CDH4: variants seen among roughly 807,000 people sequenced by gnomAD.
The protein encoded by CDH4 is cadherin-4.
Under a neutral mutation model 86.0 loss-of-function variants are expected in CDH4, and 33 were observed. The ratio of observed to expected loss-of-function variants is 0.38; its 90% CI spans 0.29 to 0.51. CDH4 has a LOEUF of 0.51. Ranked by LOEUF, CDH4 falls within the 20% of genes least tolerant of loss-of-function variation. The probability of loss-of-function intolerance (pLI) is 0.86; values close to 1 mark genes in which losing one functional copy is unlikely to be tolerated. For missense variants in CDH4, 1,114 were observed against 1,307.4 expected (o/e 0.85, Z 2.28); for synonymous variants, 555 against 549.4 (o/e 1.01, Z -0.14).
At chr20:61,664,360 G>A (rs1384982220) in intron 2 of CDH4, among the ~76,000 whole-genome samples, 1 of 152,194 alleles carries the variant, frequency 6.6e-6, no homozygotes, top group Non-Finnish European at 1.5e-5. Flanking sequence ...GGAAGGATAG[G>A]GGACTCCTGG....
At chr20:61,456,179 CTCTG>C (rs986510982) in intron 2 of CDH4, among the ~76,000 whole-genome samples, 2 of 152,108 alleles carry the variant, frequency 1.3e-5, no homozygotes, top group African/African-American at 4.8e-5. Flanking sequence ...CTTAAATAAC[CTCTG>C]TCTGCAAAAC....
At chr20:61,800,461 C>T (rs896423527) in intron 4 of CDH4, among the ~76,000 whole-genome samples, 4 of 152,234 alleles carry the variant, frequency 2.6e-5, no homozygotes, top group African/African-American at 7.2e-5. Flanking sequence ...TATGGCTCCA[C>T]GGGGGATGGT....
At chr20:61,265,303 C>G (rs1393755215) in intron 2 of CDH4, among the ~76,000 whole-genome samples, 2 of 149,216 alleles carry the variant, frequency 1.3e-5, no homozygotes, top group Non-Finnish European at 2.9e-5. Context: ...TTCATTCAAT[C>G]TTACACATAC....
At chr20:61,579,092 C>A (rs2086406123) in intron 2 of CDH4, among the ~76,000 whole-genome samples, 1 of 152,098 alleles carries the variant, frequency 6.6e-6, no homozygotes, top group Non-Finnish European at 1.5e-5. Context: ...CCCACTCAAA[C>A]CCCACACCTG....
At chr20:61,804,239 G>A (rs1045774612) in intron 4 of CDH4, among the ~76,000 whole-genome samples, 2 of 152,214 alleles carry the variant, frequency 1.3e-5, no homozygotes, top group Non-Finnish European at 2.9e-5. Flanking sequence ...GTGAGGGGCT[G>A]GCCTCTGCAG....
intron 2 of CDH4, among the ~76,000 whole-genome samples, chr20:61,332,910 G>A (rs1568801820): frequency 2.6e-5 from 4 of 152,312 alleles, no homozygotes; most frequent in Middle Eastern, 3.4e-3. Flanking sequence ...CAGCCCCTGC[G>A]GAGGCTGACG....
chr20:61,736,208 G>A (rs1201764032), intron 2 of CDH4, among the ~76,000 whole-genome samples: 2 of 152,196 alleles, frequency 1.3e-5, no homozygotes, highest in Admixed American at 1.3e-4. Flanking sequence ...CTGACACCAT[G>A]CTGTGTTCAT....
chr20:61,585,095 G>A (rs1420734965), intron 2 of CDH4, among the ~76,000 whole-genome samples: 1 of 152,242 alleles, frequency 6.6e-6, no homozygotes, highest in Admixed American at 6.5e-5. Flanking sequence ...AACCAGGCTT[G>A]AGAGTGTGAG....
At chr20:61,738,033 G>T (rs1389728820) in intron 2 of CDH4, among the ~76,000 whole-genome samples, 1 of 152,164 alleles carries the variant, frequency 6.6e-6, no homozygotes, top group Non-Finnish European at 1.5e-5. Flanking sequence ...TGTGGCTCTG[G>T]TGTGAGGACA....
chr20:61,469,991 T>G (rs1400872567), intron 2 of CDH4, among the ~76,000 whole-genome samples: 1 of 152,192 alleles, frequency 6.6e-6, no homozygotes, highest in African/African-American at 2.4e-5. Flanking sequence ...AGTCAAGCAA[T>G]GTAATTCTTC....
intron 2 of CDH4, among the ~76,000 whole-genome samples, chr20:61,334,066 C>T (rs1216786862): frequency 6.6e-6 from 1 of 152,172 alleles, no homozygotes; most frequent in Admixed American, 6.5e-5. Flanking sequence ...GGTGTCCTGG[C>T]CTGTGCAGCT....
intron 2 of CDH4, among the ~76,000 whole-genome samples, chr20:61,330,127 G>A (rs2084564449): frequency 6.6e-6 from 1 of 152,106 alleles, no homozygotes; most frequent in Non-Finnish European, 1.5e-5. Flanking sequence ...TTGCTATTGT[G>A]AATAGGGCTG....
At chr20:61,737,309 C>T (rs552366019) in intron 2 of CDH4, among the ~76,000 whole-genome samples, 2 of 152,140 alleles carry the variant, frequency 1.3e-5, no homozygotes, top group Non-Finnish European at 2.9e-5. Flanking sequence ...GGTATGGGGC[C>T]AGGTTGCCCA....
chr20:61,770,808 G>A (rs1406133927), intron 3 of CDH4, among the ~76,000 whole-genome samples: 3 of 150,846 alleles, frequency 2.0e-5, no homozygotes, highest in Admixed American at 6.6e-5. Flanking sequence ...GCATGAGCCC[G>A]GGAGGCGGTG....
chr20:61,897,193 G>A (rs1449968279), intron 8 of CDH4, among the ~76,000 whole-genome samples: 1 of 152,128 alleles, frequency 6.6e-6, no homozygotes, highest in Non-Finnish European at 1.5e-5. Context: ...GACGTTGGGG[G>A]GCAGAAGATA....
intron 2 of CDH4, among the ~76,000 whole-genome samples, chr20:61,632,438 C>T (rs1407184604): frequency 1.3e-5 from 2 of 152,158 alleles, no homozygotes; most frequent in Non-Finnish European, 2.9e-5. Context: ...ATAAGTGTGA[C>T]CCTTGCCCCA....
At chr20:61,512,352 G>T (rs1568871467) in intron 2 of CDH4, among the ~76,000 whole-genome samples, 2 of 152,304 alleles carry the variant, frequency 1.3e-5, no homozygotes, top group South Asian at 4.2e-4. Flanking sequence ...GAAGGGGATT[G>T]TCCCGCATGG....
intron 4 of CDH4, among the ~76,000 whole-genome samples, chr20:61,843,456 C>CAA (rs869283452): frequency 0.01 from 598 of 58,532 alleles, 41 homozygotes; most frequent in African/African-American, 0.038. Flanking sequence ...GACTCCGTCT[C>CAA]AAAAAAAAAA....
Position 61,910,627 on chromosome 20 carries a change from C to A in CDH4, c.1374+20C>A, listed in dbSNP as rs1204362276. On this transcript the variant is annotated intron_variant, in intron 9 of 15. Coordinates refer to ENST00000614565, the MANE Select transcript of CDH4 (RefSeq NM_001794.5). ...GTGAAGGTGCGTACTCTTCTCACACCCTGCCAGGCACCCCAAGTTCTGCCA... is the reference window on the plus strand; with the variant it reads ...GTGAAGGTGCGTACTCTTCTCACACACTGCCAGGCACCCCAAGTTCTGCCA... 1.2e-6 allele frequency: 2 copies of A among 1,604,470 alleles called. No individual in the cohort carries two copies. Among genetic ancestry groups the A allele is most frequent in the South Asian group, 2.2e-5 (2 of 90,922 alleles).
Sources: gnomAD v4.1 joint callset for allele counts (sites outside exome capture counted in the v4.1 genomes callset) on GRCh38, gnomAD v4.1.1 for gene constraint, MANE v1.5 for transcripts, NCBI Gene and HGNC (gene_info 2026-07-23, HGNC 2026-07-21) for gene names.